Variants in CEP83 observed in about 807,000 individuals in gnomAD.
CEP83 encodes the protein centrosomal protein 83, also known as centrosomal protein of 83 kDa.
In CEP83, 70 loss-of-function variants were observed where a neutral mutation model predicts 101.9. That is an observed-to-expected ratio of 0.69 (90% CI 0.57 to 0.84). CEP83 has a LOEUF of 0.84. CEP83 is among the 40% of genes least tolerant of loss of function. The probability of loss-of-function intolerance (pLI) is 0.00; values close to 1 mark genes in which losing one functional copy is unlikely to be tolerated. For missense variants in CEP83, 715 were observed against 787.2 expected (o/e 0.91, Z 1.10); for synonymous variants, 264 against 267.9 (o/e 0.99, Z 0.14).
intron 1 of CEP83, among the ~76,000 whole-genome samples, chr12:94,451,765 C>T (rs1409277199): frequency 6.6e-6 from 1 of 152,110 alleles, no homozygotes; most frequent in African/African-American, 2.4e-5. Flanking sequence ...TAAAAATAAG[C>T]TTACCATATA....
At chr12:94,266,403 G>C in the CEP83 span, among the ~76,000 whole-genome samples, 1 of 152,186 alleles carries the variant, frequency 6.6e-6, no homozygotes, top group Non-Finnish European at 1.5e-5. Context: ...ATCCACATCT[G>C]AGAGGCCGGA....
intron 5 of CEP83, chr12:94,402,687 A>G: frequency 6.6e-6 from 1 of 152,554 alleles, no homozygotes; most frequent in Non-Finnish European, 1.5e-5. Flanking sequence ...ATCACTTGAG[A>G]TCAGGAGTTC....
intron 2 of CEP83, among the ~76,000 whole-genome samples, chr12:94,428,668 T>C (rs1389244383): frequency 6.6e-6 from 1 of 152,166 alleles, no homozygotes; most frequent in Admixed American, 6.6e-5. Flanking sequence ...ATAAAAGCCA[T>C]CCTCAAGACA....
intron 11 of CEP83, among the ~76,000 whole-genome samples, chr12:94,339,488 TA>T (rs1267153136): frequency 1.3e-5 from 2 of 152,234 alleles, no homozygotes; most frequent in Non-Finnish European, 1.5e-5. Context: ...AACTGAATTT[TA>T]ATTTTTTAAA....
In CEP83 at chr12:94,310,000, G is replaced by A; in HGVS notation, c.1919C>T (p.Pro640Leu). The A allele has an allele frequency of 6.2e-7, 1 of 1,611,910 alleles. No homozygotes were observed. The part of the protein sequence containing the change: ...RSLILVPNMP[P>L]TASINPVSFQ... ...GCTAACAGGATTGATAGATGCTGTT[G>A]GAGGCATGTTAGGAACCAAAATTAG... Residue 640 changes from proline (P) to leucine (L), a missense_variant, in exon 16 of 17, where the codon CCA (proline) becomes CTA (leucine). Physicochemically the swap from Pro to Leu is moderately conservative, Grantham distance 98 (BLOSUM62 -3). Coordinates refer to ENST00000397809, the MANE Select transcript of CEP83 (RefSeq NM_016122.3).
chr12:94,301,052 G>C, the CEP83 span: 2 of 1,613,488 alleles, frequency 1.2e-6, no homozygotes, highest in Non-Finnish European at 1.7e-6. Flanking sequence ...GCAGCAACTA[G>C]GGAAGGTAAG....
At chr12:94,383,247 A>T (rs2061949684) in intron 6 of CEP83, among the ~76,000 whole-genome samples, 3 of 152,028 alleles carry the variant, frequency 2.0e-5, no homozygotes, top group Admixed American at 2.0e-4. Flanking sequence ...TTATTTACAA[A>T]CTGCCTATAC....
chr12:94,280,074 G>C, the CEP83 span: 1 of 339,360 alleles, frequency 2.9e-6, no homozygotes. Context: ...CAGACTCTGG[G>C]TGTTAACTCT....
intron 1 of CEP83, among the ~76,000 whole-genome samples, chr12:94,437,009 A>C (rs1594057216): frequency 6.6e-6 from 1 of 152,096 alleles, no homozygotes; most frequent in East Asian, 1.9e-4. Flanking sequence ...GGAATAATTG[A>C]GGAAAACTTC....
the CEP83 span, chr12:94,297,135 C>T: frequency 6.3e-7 from 1 of 1,583,844 alleles, no homozygotes; most frequent in Non-Finnish European, 8.7e-7. Flanking sequence ...CCGATTAGCC[C>T]ATGGTTGCTT....
chr12:94,283,825 T>C, the CEP83 span, among the ~76,000 whole-genome samples: 3 of 152,172 alleles, frequency 2.0e-5, 1 homozygote, highest in Non-Finnish European at 4.4e-5. Context: ...GGCTCACGCC[T>C]GTAATCCCAG....
intron 11 of CEP83, among the ~76,000 whole-genome samples, chr12:94,354,043 G>C (rs1027474608): frequency 1.3e-5 from 2 of 152,108 alleles, no homozygotes; most frequent in Admixed American, 1.3e-4. Flanking sequence ...TGCAATAATA[G>C]TAGAGGATTT....
At chr12:94,348,441 T>G (rs1304882671) in intron 11 of CEP83, among the ~76,000 whole-genome samples, 1 of 152,038 alleles carries the variant, frequency 6.6e-6, no homozygotes, top group Non-Finnish European at 1.5e-5. Flanking sequence ...ATGAACTGAG[T>G]GAAAATTTAA....
chr12:94,443,745 G>A (rs1401505734), intron 1 of CEP83, among the ~76,000 whole-genome samples: 5 of 151,786 alleles, frequency 3.3e-5, no homozygotes, highest in East Asian at 3.9e-4. Flanking sequence ...CCTTGGCCTC[G>A]CAAAGTGCTG....
chr12:94,322,028 T>C (rs2058767205), intron 14 of CEP83, among the ~76,000 whole-genome samples: 1 of 152,054 alleles, frequency 6.6e-6, no homozygotes, highest in Admixed American at 6.5e-5. Flanking sequence ...GACTGCCTTC[T>C]CTCTGGGAAC....
intron 1 of CEP83, among the ~76,000 whole-genome samples, chr12:94,448,439 A>G (rs2066968883): frequency 6.6e-6 from 1 of 152,316 alleles, no homozygotes; most frequent in Non-Finnish European, 1.5e-5. Flanking sequence ...AATAAACTTG[A>G]CATAACTGAC....
At chr12:94,413,825 T>TAC (rs56372938) in intron 2 of CEP83, among the ~76,000 whole-genome samples, 16,082 of 140,326 alleles carry the variant, frequency 0.11, 832 homozygotes, top group Non-Finnish European at 0.13. Flanking sequence ...CCATAATACA[T>TAC]ACACACACAC....
chr12:94,345,921 C>G (rs2059914217), intron 11 of CEP83, among the ~76,000 whole-genome samples: 1 of 152,192 alleles, frequency 6.6e-6, no homozygotes, highest in African/African-American at 2.4e-5. Flanking sequence ...CTCCAGACAG[C>G]TGAACTCATG....
the CEP83 span, among the ~76,000 whole-genome samples, chr12:94,295,511 T>G: frequency 3.9e-5 from 6 of 152,236 alleles, no homozygotes; most frequent in African/African-American, 1.4e-4. Context: ...TAGGTTTGGA[T>G]CTCTTCGTGG....
Sources: allele counts gnomAD v4.1 joint callset (sites outside exome capture counted in the v4.1 genomes callset), GRCh38; gene constraint gnomAD v4.1.1; transcripts MANE v1.5; gene names NCBI Gene and HGNC (gene_info 2026-07-23, HGNC 2026-07-21).